DRG2: variants seen among roughly 807,000 people sequenced by gnomAD.
DRG2 encodes the protein developmentally-regulated GTP-binding protein 2.
In DRG2, 36 loss-of-function variants were observed where a neutral mutation model predicts 53.4. That is an observed-to-expected ratio of 0.67 (90% CI 0.52 to 0.89). The LOEUF (loss-of-function observed/expected upper bound fraction) is 0.89. Ranked by LOEUF, DRG2 falls within the 40% of genes least tolerant of loss-of-function variation. The pLI is 0.00. For missense variants in DRG2, 342 were observed against 481.2 expected (o/e 0.71, Z 2.71); for synonymous variants, 167 against 192.1 (o/e 0.87, Z 1.08).
intron 1 of DRG2, among the ~76,000 whole-genome samples, chr17:18,088,944 A>G (rs979361957): frequency 6.6e-6 from 1 of 152,184 alleles, no homozygotes; most frequent in Non-Finnish European, 1.5e-5. Flanking sequence ...AGTGAGAACA[A>G]TCTAGATCAG....
Position 18,103,686 on chromosome 17 carries a change from G to A in DRG2, c.807-115G>A. On this transcript the variant is annotated intron_variant, in intron 9 of 12. Transcript: ENST00000225729. The surrounding 1 kb of genome is among the most constrained non-coding windows in gnomAD (Gnocchi z 4.4). ...TAGTAATGGGCTTGTTTCCCTGTGG[G>A]TACCAGCGGGCCACCTGGCCAGTGG... The A allele has an allele frequency of 2.5e-5, 23 of 918,560 alleles. 1 individual carries two copies. The South Asian group carries it at 3.0e-4, about 12-fold the overall frequency. The allele number at this position is 918,560 out of a possible 1,614,324, so 56.9% of individuals were successfully genotyped here.
At chr17:18,089,386 C>A (rs946396917) in intron 1 of DRG2, among the ~76,000 whole-genome samples, 1 of 152,062 alleles carries the variant, frequency 6.6e-6, no homozygotes, top group Non-Finnish European at 1.5e-5. Flanking sequence ...GTGATCCACC[C>A]GCCTCGGCCT....
At position 18,095,056 on chromosome 17, in the gene DRG2, C is replaced by CT. The variant is rs374098723; in HGVS notation, c.225+1093dup. 1.3e-3 allele frequency among the ~76,000 whole-genome samples: 167 copies of CT among 130,262 alleles called. 1 individual carries two copies. The highest frequency in any genetic ancestry group is 4.0e-3 in the African/African-American group (143 of 35,558). The allele number at this position is 130,262 out of a possible 152,430, so 85.5% of individuals were successfully genotyped here. A position where few individuals can be genotyped will look rare whatever the true frequency, so the allele number is the denominator to read the frequency against. ...TTAGCGTATAATCTATATTGGTTTA[C>CT]TTTTTTTTTTGAGATGGAGTCTTGC... On this transcript the variant is annotated intron_variant, in intron 2 of 12. Transcript: ENST00000225729.
intron 1 of DRG2, among the ~76,000 whole-genome samples, chr17:18,088,869 G>T (rs1254282016): frequency 6.6e-6 from 1 of 152,200 alleles, no homozygotes; most frequent in South Asian, 2.1e-4. Context: ...TGTTGGAAGG[G>T]TATCCCAGGT....
chr17:18,104,430 C>A, intron 10 of DRG2, 193 bp from the exon 11 acceptor site: 1 of 1,230,034 alleles, frequency 8.1e-7, no homozygotes, highest in Non-Finnish European at 1.1e-6. Flanking sequence ...TTTTGAGTCA[C>A]TGTGTTAAGA....
chr17:18,106,214 G>C (rs2045626815), intron 11 of DRG2: 4 of 589,800 alleles, frequency 6.8e-6, no homozygotes, highest in Non-Finnish European at 9.3e-6. Context: ...ACAGCTGGCA[G>C]ATCAGGAGTG....
chr17:18,099,163 T>C lies in DRG2; in HGVS notation c.376+86T>C, dbSNP rs909640171. On this transcript the variant is annotated intron_variant, in intron 4 of 12. Transcript: ENST00000225729. This position sits in a 1 kb window ranked among gnomAD's most constrained non-coding sequence, Gnocchi z 4.4. ...TGGGTGTGGCTGTCATGGAGATCAC[T>C]CTGGATCCCTGGTCCATTATCCCGC... 9 of 1,547,544 alleles carry C rather than the reference T, an allele frequency of 5.8e-6. No individual in the cohort carries two copies. Among genetic ancestry groups the C allele is most frequent in the African/African-American group, 1.4e-5 (1 of 73,758 alleles).
Position 18,092,689 on chromosome 17 carries a change from G to A in DRG2, c.65-1124G>A, listed in dbSNP as rs145357421. Among the ~76,000 whole-genome samples, 11 of 152,224 alleles carry A rather than the reference G, an allele frequency of 7.2e-5. No homozygotes were observed. The East Asian group carries it at 1.9e-3, about 27-fold the overall frequency. On this transcript the variant is annotated intron_variant, in intron 1 of 12. Coordinates refer to ENST00000225729, the MANE Select transcript of DRG2 (RefSeq NM_001388.5). ...ATAAAGGAGAAGAAGAAAAAGGAAA[G>A]TAATTTATAATGAAAATGGTATTTA... is the stretch of plus-strand genomic sequence containing the variant.
Position 18,098,916 on chromosome 17 carries a change from G to A in DRG2, c.316-101G>A. The A allele has an allele frequency of 7.2e-7, 1 of 1,381,690 alleles. No individual in the cohort carries two copies. Among genetic ancestry groups the A allele is most frequent in the Non-Finnish European group, 1.0e-6 (1 of 989,460 alleles). The allele number at this position is 1,381,690 out of a possible 1,614,324, so 85.6% of individuals were successfully genotyped here. A position where few individuals can be genotyped will look rare whatever the true frequency, so the allele number is the denominator to read the frequency against. ...CAGGTTGGCATCTGGGTTTCCCTCA[G>A]CCCCTGAGCCCCGGGGCCATTCCAG... On this transcript the variant is annotated intron_variant, in intron 3 of 12. Coordinates refer to ENST00000225729, the MANE Select transcript of DRG2 (RefSeq NM_001388.5). This position sits in a 1 kb window ranked among gnomAD's most constrained non-coding sequence, Gnocchi z 4.1.
At position 18,098,357 on chromosome 17, in the gene DRG2, G is replaced by A; in HGVS notation, c.313G>A (p.Glu105Lys). The A allele has an allele frequency of 6.2e-7, 1 of 1,613,818 alleles. No homozygotes were observed. Among genetic ancestry groups the A allele is most frequent in the Non-Finnish European group, 8.5e-7 (1 of 1,179,766 alleles). ...TCTGACGTGTATTCCTGGGGTCATT[G>A]AAGTAAGTGGGTGTGCTGGGCCCAG... ...TTLTCIPGVIEYKGANIQLLD... is the reference protein window; with the variant it reads ...TTLTCIPGVIKYKGANIQLLD... The change falls in exon 3 of 13, where the codon GAA becomes AAA. Residue 105 changes from glutamate (E) to lysine (K), a missense_variant and splice_region_variant. Coordinates refer to ENST00000225729, the MANE Select transcript of DRG2 (RefSeq NM_001388.5). This position sits in a 1 kb window ranked among gnomAD's most constrained non-coding sequence, Gnocchi z 4.1.
intron 1 of DRG2, among the ~76,000 whole-genome samples, chr17:18,091,053 T>G (rs2045325993): frequency 6.6e-6 from 1 of 152,192 alleles, no homozygotes; most frequent in Admixed American, 6.6e-5. Context: ...GCCTGGGCCC[T>G]GTGCTGGAGG....
chr17:18,092,257 AGT>A (rs2045347433), intron 1 of DRG2, among the ~76,000 whole-genome samples: 1 of 152,210 alleles, frequency 6.6e-6, no homozygotes, highest in Admixed American at 6.5e-5. Flanking sequence ...TACAGCCAGG[AGT>A]TCAAGACCAG....
intron 2 of DRG2, chr17:18,097,327 G>T (rs1443093884): frequency 6.6e-6 from 1 of 152,260 alleles, no homozygotes; most frequent in East Asian, 1.9e-4. Flanking sequence ...GACTTGAGAG[G>T]TCTAAGGGTG....
chr17:18,089,043 CTAGA>C (rs1310699643), intron 1 of DRG2, among the ~76,000 whole-genome samples: 1 of 152,328 alleles, frequency 6.6e-6, no homozygotes, highest in East Asian at 1.9e-4. Context: ...GCAAGCAACA[CTAGA>C]TAGCTGGTCC....
At chr17:18,088,452 AAGAGG>A (rs1428053396) in intron 1 of DRG2, among the ~76,000 whole-genome samples, 1 of 152,206 alleles carries the variant, frequency 6.6e-6, no homozygotes, top group Admixed American at 6.5e-5. Context: ...TGGGAAGTGC[AAGAGG>A]AGACCTCTCA....
Position 18,093,848 on chromosome 17 carries a change from C to G in DRG2, c.100C>G (p.Leu34Val), listed in dbSNP as rs775232114. Residue 34 changes from leucine to valine, a missense_variant, in exon 2 of 13, where the codon CTC becomes GTC. Coordinates refer to ENST00000225729, the MANE Select transcript of DRG2 (RefSeq NM_001388.5). ...TCATCTGGGCCTGCTGAAAGCTAAG[C>G]TCGCCAAGTATCGGGCCCAGCTCCT... ...EYHLGLLKAKLAKYRAQLLEP... is the reference protein window; with the variant it reads ...EYHLGLLKAKVAKYRAQLLEP... 10 of 1,614,170 alleles carry G rather than the reference C, an allele frequency of 6.2e-6. No individual in the cohort carries two copies. The South Asian group carries it at 9.9e-5, about 16-fold the overall frequency.
At chr17:18,097,946 CAA>C (rs2045461638) in intron 2 of DRG2, 1 of 196,234 alleles carries the variant, frequency 5.1e-6, no homozygotes, top group South Asian at 1.2e-4. Context: ...TCTCTGGGGC[CAA>C]GAGGGCCTGG....
chr17:18,100,229 T>C lies in DRG2; in HGVS notation c.468-134T>C. The C allele has an allele frequency of 1.1e-6, 1 of 891,438 alleles. No homozygotes were observed. The highest frequency in any genetic ancestry group is 1.8e-6 in the Non-Finnish European group (1 of 540,930). 55.2% of individuals were successfully genotyped at this position (891,438 alleles called of 1,614,324 possible). A position where few individuals can be genotyped will look rare whatever the true frequency, so the allele number is the denominator to read the frequency against. On this transcript the variant is annotated intron_variant, in intron 5 of 12. Coordinates refer to ENST00000225729, the MANE Select transcript of DRG2 (RefSeq NM_001388.5). This position sits in a 1 kb window ranked among gnomAD's most constrained non-coding sequence, Gnocchi z 4.1. ...GCTCTAGGGCATTGGGAAGGAGTGT[T>C]CTCTGGGTTGCTGGGGAAGGGGGTG...
At chr17:18,104,219 A>G (rs73979286) in intron 10 of DRG2, among the ~76,000 whole-genome samples, 130 of 152,280 alleles carry the variant, frequency 8.5e-4, no homozygotes, top group African/African-American at 3.1e-3. Flanking sequence ...CCTGGTGCGC[A>G]CACACACATG....
Sources: allele counts gnomAD v4.1 joint callset (sites outside exome capture counted in the v4.1 genomes callset), GRCh38; gene constraint gnomAD v4.1.1; non-coding constraint Gnocchi (gnomAD v3.1); transcripts MANE v1.5; gene names NCBI Gene and HGNC (gene_info 2026-07-23, HGNC 2026-07-21).